Variants in ZNF821 observed in about 807,000 individuals in gnomAD.
ZNF821 encodes the protein zinc finger protein 821.
In ZNF821, 16 loss-of-function variants were observed where a neutral mutation model predicts 44.3. The observed-to-expected ratio is 0.36, with a 90% CI of 0.24 to 0.55. ZNF821 has a LOEUF of 0.55. Among genes scored for constraint, ZNF821 ranks in the 20% least tolerant of loss-of-function variants. ZNF821 has a pLI of 0.86. For missense variants in ZNF821, 436 were observed against 547.6 expected, an observed-to-expected ratio of 0.80 and a Z score of 2.03; for synonymous variants, 204 against 197.6, an observed-to-expected ratio of 1.03 and a Z score of -0.27.
chr16:71,873,944 C>G (rs1013349975), intron 3 of ZNF821, among the ~76,000 whole-genome samples: 2 of 148,918 alleles, frequency 1.3e-5, no homozygotes, highest in African/African-American at 2.5e-5. Flanking sequence ...TGAGCGACCA[C>G]GCCCGGCTGG....
intron 1 of ZNF821, 39 bp from the exon 2 acceptor site, chr16:71,883,312 C>T (rs1381185853): frequency 2.4e-6 from 1 of 421,266 alleles, no homozygotes; most frequent in East Asian, 7.1e-5. Context: ...GGTCACTTAG[C>T]CGCCTGGCTG....
At chr16:71,889,115 G>A (rs926915820), upstream of ZNF821, among the ~76,000 whole-genome samples, 2 of 152,096 alleles carry the variant, frequency 1.3e-5, no homozygotes, top group Non-Finnish European at 2.9e-5. Flanking sequence ...CAGGCATGGT[G>A]GCATGTACCT....
chr16:71,866,052 A>G (rs943067004), intron 4 of ZNF821, among the ~76,000 whole-genome samples: 5 of 152,190 alleles, frequency 3.3e-5, no homozygotes, highest in African/African-American at 7.2e-5. Context: ...TGAAGATCAC[A>G]AGAAGTAGCC....
At chr16:71,861,001 G>A (rs1210612500) in intron 7 of ZNF821, among the ~76,000 whole-genome samples, 3 of 151,966 alleles carry the variant, frequency 2.0e-5, no homozygotes, top group Non-Finnish European at 2.9e-5. Context: ...GATTACAGGC[G>A]CACGCCACCA....
At chr16:71,887,512 C>A (rs556893376), upstream of ZNF821, among the ~76,000 whole-genome samples, 1 of 152,170 alleles carries the variant, frequency 6.6e-6, no homozygotes, top group African/African-American at 2.4e-5. Flanking sequence ...CCGCCCGCCT[C>A]GGCCTCCCAA....
intron 3 of ZNF821, among the ~76,000 whole-genome samples, chr16:71,872,339 C>T (rs911702291): frequency 2.0e-5 from 3 of 151,506 alleles, no homozygotes; most frequent in Non-Finnish European, 4.4e-5. Context: ...ATAGGCCGGG[C>T]GCGGTGGCTC....
intron 3 of ZNF821, 102 bp from the exon 4 acceptor site, chr16:71,868,139 G>C: frequency 1.5e-6 from 2 of 1,334,600 alleles, no homozygotes; most frequent in South Asian, 3.0e-5. Context: ...AGACAGGCAG[G>C]TACCCTGTGG....
intron 3 of ZNF821, among the ~76,000 whole-genome samples, chr16:71,875,057 A>C (rs1567429639): frequency 6.6e-6 from 1 of 152,164 alleles, no homozygotes. Context: ...TGCATGACTG[A>C]AAACAGCCCC....
upstream of ZNF821, among the ~76,000 whole-genome samples, chr16:71,888,277 G>T (rs1365301831): frequency 3.3e-5 from 5 of 152,104 alleles, no homozygotes; most frequent in African/African-American, 1.2e-4. Flanking sequence ...CAAAGTTTTT[G>T]ATTTATATGA....
intron 5 of ZNF821, 31 bp downstream of exon 5, chr16:71,864,872 G>A: frequency 6.2e-7 from 1 of 1,613,170 alleles, no homozygotes; most frequent in Non-Finnish European, 8.5e-7. Flanking sequence ...GGGCATTGCT[G>A]GACCTGGACC....
chr16:71,884,980 C>G (rs578238550), upstream of ZNF821, among the ~76,000 whole-genome samples: 4 of 151,964 alleles, frequency 2.6e-5, no homozygotes, highest in African/African-American at 9.6e-5. Flanking sequence ...GCTTCAGCCT[C>G]CCGAGTAGCT....
At chr16:71,882,580 T>TA (rs1423772704) in intron 2 of ZNF821, among the ~76,000 whole-genome samples, 1 of 152,168 alleles carries the variant, frequency 6.6e-6, no homozygotes, top group Non-Finnish European at 1.5e-5. Flanking sequence ...ATAATCCTCC[T>TA]AGTGGCCAAA....
At chr16:71,892,564 G>C (rs1355337216) in intron 1 of ZNF821, among the ~76,000 whole-genome samples, 2 of 147,940 alleles carry the variant, frequency 1.4e-5, no homozygotes, top group Admixed American at 1.4e-4. Flanking sequence ...CACCGTGCCC[G>C]GCCAAAATTT....
intron 3 of ZNF821, among the ~76,000 whole-genome samples, chr16:71,870,821 G>A (rs2035114184): frequency 6.6e-6 from 1 of 152,154 alleles, no homozygotes; most frequent in South Asian, 2.1e-4. Context: ...TCGGGTAGGT[G>A]CATGTTTTCA....
At chr16:71,867,005 G>A (rs112232030) in intron 4 of ZNF821, among the ~76,000 whole-genome samples, 10 of 152,298 alleles carry the variant, frequency 6.6e-5, no homozygotes, top group African/African-American at 9.6e-5. Context: ...ATCTCAAGAC[G>A]TGTTTGTTCA....
At chr16:71,863,359 C>A (rs2034134567) in intron 6 of ZNF821, among the ~76,000 whole-genome samples, 1 of 150,354 alleles carries the variant, frequency 6.7e-6, no homozygotes, top group South Asian at 2.1e-4. Context: ...TCTAATATAT[C>A]TCATTTATTT....
intron 3 of ZNF821, among the ~76,000 whole-genome samples, chr16:71,873,111 C>T (rs945278849): frequency 6.6e-6 from 1 of 152,144 alleles, no homozygotes; most frequent in African/African-American, 2.4e-5. Flanking sequence ...CACTTGAGAT[C>T]AGGAGTTTGA....
chr16:71,891,068 C>G (rs185378164), intron 1 of ZNF821, among the ~76,000 whole-genome samples: 1 of 151,272 alleles, frequency 6.6e-6, no homozygotes, highest in African/African-American at 2.4e-5. Context: ...GCCACCGCGC[C>G]CAGCCCCTTC....
At chr16:71,880,991 G>C (rs2036362923) in intron 2 of ZNF821, among the ~76,000 whole-genome samples, 3 of 152,110 alleles carry the variant, frequency 2.0e-5, no homozygotes, top group Admixed American at 2.0e-4. Flanking sequence ...ATCTGAGATG[G>C]ATTAGTATTG....
Sources: allele counts gnomAD v4.1 joint callset (sites outside exome capture counted in the v4.1 genomes callset), GRCh38; gene constraint gnomAD v4.1.1; transcripts MANE v1.5; gene names NCBI Gene and HGNC (gene_info 2026-07-23, HGNC 2026-07-21).